The following MSTO1 variants were observed in gnomAD, a reference collection of about 807,000 sequenced individuals.
MSTO1 encodes misato mitochondrial distribution and morphology regulator 1.
In MSTO1, 24 loss-of-function variants were observed where a neutral mutation model predicts 55.7. The observed-to-expected ratio is 0.43, with a 90% CI of 0.31 to 0.61. MSTO1 has a LOEUF of 0.61. MSTO1 is among the 20% of genes least tolerant of loss of function. The pLI is 0.09. For missense variants in MSTO1, 363 were observed against 625.7 expected, an observed-to-expected ratio of 0.58 and a Z score of 4.48; for synonymous variants, 162 against 252.8, an observed-to-expected ratio of 0.64 and a Z score of 3.41.
the MSTO1 span, among the ~76,000 whole-genome samples, chr1:155,604,629 A>T: frequency 1.3e-5 from 2 of 152,320 alleles, no homozygotes; most frequent in Non-Finnish European, 2.9e-5. Context: ...TAATCCCAGC[A>T]CTTTGGGAGG....
upstream of MSTO1, among the ~76,000 whole-genome samples, chr1:155,609,548 T>G (rs1265490246): frequency 6.6e-6 from 1 of 152,134 alleles, no homozygotes; most frequent in Non-Finnish European, 1.5e-5. Context: ...GCGCCCAGCC[T>G]ATTCTTTCTT....
the MSTO1 span, among the ~76,000 whole-genome samples, chr1:155,575,946 C>G: frequency 1.6e-3 from 241 of 151,986 alleles, no homozygotes; most frequent in African/African-American, 5.6e-3. Context: ...CCTCAGCCTG[C>G]CAAGTGGCTG....
the MSTO1 span, among the ~76,000 whole-genome samples, chr1:155,572,870 G>A: frequency 1.8e-4 from 28 of 152,008 alleles, no homozygotes; most frequent in South Asian, 4.2e-3. Flanking sequence ...GGCTGGTCTC[G>A]AACTCCCGAC....
chr1:155,605,270 CA>C (rs1382351473), upstream of MSTO1, among the ~76,000 whole-genome samples: 3 of 151,714 alleles, frequency 2.0e-5, no homozygotes, highest in East Asian at 5.8e-4. Flanking sequence ...CAAAACAAAA[CA>C]AAACAAAACA....
the MSTO1 span, among the ~76,000 whole-genome samples, chr1:155,585,638 T>G: frequency 6.6e-6 from 1 of 152,286 alleles, no homozygotes; most frequent in Admixed American, 6.5e-5. Context: ...TACATTTAAG[T>G]ATTTTTAAAT....
chr1:155,609,244 T>TA (rs1553289697), upstream of MSTO1, among the ~76,000 whole-genome samples: 254 of 14,790 alleles, frequency 0.017, no homozygotes, highest in African/African-American at 0.03. Context: ...TATATATATA[T>TA]TTTTTTTTTT....
At chr1:155,608,814 ATTTTTATT>A (rs1558246320), upstream of MSTO1, among the ~76,000 whole-genome samples, 1 of 142,132 alleles carries the variant, frequency 7.0e-6, no homozygotes, top group Non-Finnish European at 1.5e-5. Flanking sequence ...TTTTATTTTT[ATTTTTATT>A]TTTTTATTTT....
At chr1:155,611,496 C>T (rs779423451) in intron 4 of MSTO1, 53 bp from the exon 5 acceptor site, 18 of 1,613,674 alleles carry the variant, frequency 1.1e-5, no homozygotes, top group Admixed American at 5.0e-5. Flanking sequence ...ACGAAGCAAC[C>T]TTTGCCTCTA....
the MSTO1 span, among the ~76,000 whole-genome samples, chr1:155,589,528 G>A: frequency 2.6e-5 from 4 of 152,094 alleles, no homozygotes; most frequent in Non-Finnish European, 2.9e-5. Context: ...ACAGTAGGCC[G>A]TGAGCAAGCT....
chr1:155,587,439 C>CAAA, the MSTO1 span, among the ~76,000 whole-genome samples: 608 of 52,512 alleles, frequency 0.012, 6 homozygotes, highest in Non-Finnish European at 0.016. Flanking sequence ...GACTACGTCT[C>CAAA]AAAAAAAAAA....
chr1:155,571,363 G>A, the MSTO1 span, among the ~76,000 whole-genome samples: 2 of 152,254 alleles, frequency 1.3e-5, no homozygotes, highest in South Asian at 2.1e-4. Flanking sequence ...TGTTGTTAGT[G>A]TTGGTGTGTT....
At chr1:155,585,410 C>G in the MSTO1 span, among the ~76,000 whole-genome samples, 1 of 151,678 alleles carries the variant, frequency 6.6e-6, no homozygotes, top group African/African-American at 2.4e-5. Flanking sequence ...ATAGTTCCAG[C>G]TGCTTGGGAG....
the MSTO1 span, among the ~76,000 whole-genome samples, chr1:155,577,511 C>T: frequency 6.6e-6 from 1 of 152,096 alleles, no homozygotes; most frequent in Non-Finnish European, 1.5e-5. Context: ...ATCAGGTTGT[C>T]CCAGCACTAT....
chr1:155,588,470 A>C, the MSTO1 span, among the ~76,000 whole-genome samples: 1 of 152,118 alleles, frequency 6.6e-6, no homozygotes, highest in Non-Finnish European at 1.5e-5. Context: ...CCTCATGATC[A>C]ACTCATGAAC....
In MSTO1 at chr1:155,612,237, C is replaced by T. The variant is rs749541377; in HGVS notation, c.734C>T (p.Ala245Val). Residue 245 changes from alanine to valine, a missense_variant, in exon 8 of 14, where the codon GCG becomes GTG. Ala to Val is a moderately conservative substitution (Grantham distance 64). Coordinates refer to ENST00000245564, the MANE Select transcript of MSTO1 (RefSeq NM_018116.4). ...HDGFSGVGAK[A>V]AELLQDEYSG... ...GGCTTCTCTGGGGTAGGCGCGAAGG[C>T]GGCAGAGCTGCTACAAGATGAATAT... The T allele has an allele frequency of 9.4e-6, 15 of 1,597,706 alleles. No individual in the cohort carries two copies. The highest frequency in any genetic ancestry group is 1.3e-5 in the African/African-American group (1 of 74,408).
chr1:155,568,935 T>C, the MSTO1 span, among the ~76,000 whole-genome samples: 1 of 150,876 alleles, frequency 6.6e-6, no homozygotes, highest in Non-Finnish European at 1.5e-5. Context: ...CACTGCAACC[T>C]GCATCTCCCG....
the MSTO1 span, among the ~76,000 whole-genome samples, chr1:155,597,354 C>T: frequency 6.6e-6 from 1 of 150,956 alleles, no homozygotes; most frequent in Non-Finnish European, 1.5e-5. Flanking sequence ...CCTGTAGTCC[C>T]AGCTACTCGG....
chr1:155,606,813 A>T (rs1334431989), upstream of MSTO1, among the ~76,000 whole-genome samples: 2 of 151,860 alleles, frequency 1.3e-5, no homozygotes, highest in Non-Finnish European at 2.9e-5. Context: ...GAGCCACTGC[A>T]GCCGGCCCAG....
At chr1:155,611,446 G>A (rs1319773099) in intron 4 of MSTO1, 103 bp from the exon 5 acceptor site, 9 of 1,610,242 alleles carry the variant, frequency 5.6e-6, no homozygotes, top group Non-Finnish European at 7.6e-6. Flanking sequence ...TCGGTGAACA[G>A]AAAGGAGGCT....
Sources: gnomAD v4.1 joint callset for allele counts (sites outside exome capture counted in the v4.1 genomes callset) on GRCh38, gnomAD v4.1.1 for gene constraint, MANE v1.5 for transcripts, NCBI Gene and HGNC (gene_info 2026-07-23, HGNC 2026-07-21) for gene names.